The following POTEF variants were observed in gnomAD, a reference collection of about 807,000 sequenced individuals.
The protein encoded by POTEF is ANKRD26-like family C member 1B.
A neutral mutation model predicts 83.2 loss-of-function variants in POTEF; 20 were observed. The observed-to-expected ratio is 0.24, with a 90% CI of 0.17 to 0.35. The LOEUF is 0.35. Among genes scored for constraint, POTEF ranks in the 10% least tolerant of loss-of-function variants. The pLI is 1.00. For synonymous variants in POTEF, 196 were observed against 446.4 expected (o/e 0.44, Z 7.07); for missense variants, 550 against 1,203.2 (o/e 0.46, Z 8.03).
At chr2:130,095,005 T>C (rs1212703884) in intron 11 of POTEF, among the ~76,000 whole-genome samples, 9 of 151,844 alleles carry the variant, frequency 5.9e-5, no homozygotes, top group East Asian at 1.9e-4. Flanking sequence ...GCAAAACTGT[T>C]AGGAAAGAAC....
intron 15 of POTEF, among the ~76,000 whole-genome samples, chr2:130,080,367 T>G (rs3990656): frequency 1.4e-5 from 1 of 73,990 alleles, no homozygotes; most frequent in African/African-American, 7.2e-5. Context: ...AATATCACTA[T>G]TATTGTACAG....
intron 2 of POTEF, among the ~76,000 whole-genome samples, chr2:130,126,413 C>G (rs1420543052): frequency 2.7e-4 from 41 of 151,982 alleles, no homozygotes; most frequent in African/African-American, 9.7e-4. Context: ...CCCCGTGACT[C>G]CTGCATAGCT....
chr2:130,090,717 T>TTAA (rs201640891), intron 12 of POTEF, among the ~76,000 whole-genome samples: 2,157 of 144,344 alleles, frequency 0.015, 18 homozygotes, highest in African/African-American at 0.048. Flanking sequence ...GGAAAAAAAA[T>TTAA]TAAGCAAAAC....
chr2:130,120,021 G>A lies in POTEF; in HGVS notation c.495C>T (p.Asp165=), dbSNP rs1359710683. The change falls in exon 3 of 17, where the codon GAC becomes GAT. Residue 165 remains aspartate, a synonymous_variant. Coordinates refer to ENST00000409914, the MANE Select transcript of POTEF (RefSeq NM_001099771.2). ...KDLIVMLRDT[D]VNKQDKQKRT... is the part of the protein sequence containing the mutation. ...TCTTTTGCTTGTCCTGCTTGTTCAC[G>A]TCAGTGTCCCTGAGCATGACGATGA... is the stretch of plus-strand genomic sequence containing the variant. 1.8e-5 allele frequency: 22 copies of A among 1,247,564 alleles called. 1 individual carries two copies. The highest frequency in any genetic ancestry group is 1.2e-4 in the East Asian group (5 of 41,158). 77.3% of individuals were successfully genotyped at this position (1,247,564 alleles called of 1,614,324 possible).
At chr2:130,128,858 A>G (rs1366391804) in intron 1 of POTEF, among the ~76,000 whole-genome samples, 1 of 114,724 alleles carries the variant, frequency 8.7e-6, no homozygotes, top group East Asian at 3.0e-4. Flanking sequence ...GTTAGTGCAC[A>G]CAACCTGCCT....
intron 7 of POTEF, 139 bp downstream of exon 7, chr2:130,110,404 G>C: frequency 1.3e-6 from 2 of 1,577,274 alleles, no homozygotes; most frequent in South Asian, 1.2e-5. Context: ...TCTGGCTGAT[G>C]CAGGGGACTA....
At position 130,074,960 on chromosome 2, in the gene POTEF, C is replaced by T. The variant is rs776088012; in HGVS notation, c.2512G>A (p.Ala838Thr). ...NTPAMYVAIQAVLSLYTSGRT... is the reference protein window; with the variant it reads ...NTPAMYVAIQTVLSLYTSGRT... ...CCAGAGGTGTACAGGGACAGCACAG[C>T]CTGGATGGCCACGTACATGGCTGGG... is the stretch of plus-strand genomic sequence containing the variant. The change falls in exon 17 of 17, where the codon GCT becomes ACT. Residue 838 changes from alanine to threonine, a missense_variant. By Grantham distance (58) the Ala-to-Thr change is moderately conservative (BLOSUM62 0). Transcript: ENST00000409914. The T allele has an allele frequency of 1.9e-6, 3 of 1,611,728 alleles. No individual in the cohort carries two copies. In the Admixed American group the frequency reaches 5.0e-5, roughly 27 times the overall value.
Position 130,075,003 on chromosome 2 carries a change from C to G in POTEF, c.2469G>C (p.Met823Ile), listed in dbSNP as rs1479761743. Residue 823 changes from methionine (M) to isoleucine (I), a missense_variant, in exon 17 of 17, where the codon ATG (methionine) becomes ATC (isoleucine). By Grantham distance (10) the Met-to-Ile change is conservative (BLOSUM62 1). Coordinates refer to ENST00000409914, the MANE Select transcript of POTEF (RefSeq NM_001099771.2). ...KANREKMTQIMFETFNTPAMY... is the reference protein window; with the variant it reads ...KANREKMTQIIFETFNTPAMY... ...TGGCTGGGGTGTTGAAGGTCTCAAACATGATCTGGGTCATCTTCTCGCGGT... is the reference window on the plus strand; with the variant it reads ...TGGCTGGGGTGTTGAAGGTCTCAAAGATGATCTGGGTCATCTTCTCGCGGT... The G allele has an allele frequency of 1.2e-6, 2 of 1,613,398 alleles. No homozygotes were observed. Among genetic ancestry groups the G allele is most frequent in the Non-Finnish European group, 1.7e-6 (2 of 1,179,906 alleles).
rs759861573 is a variant in POTEF at position 130,115,196 on chromosome 2, T to C, written c.636+18A>G. Reference sequence around the variant, plus strand: ...AAATCAAACCCACCTCATGCTGATATAGTTGGCTACTGCATACCTTTATCA... The same window carrying C: ...AAATCAAACCCACCTCATGCTGATACAGTTGGCTACTGCATACCTTTATCA... On this transcript the variant is annotated intron_variant, in intron 4 of 16. Coordinates refer to ENST00000409914, the MANE Select transcript of POTEF (RefSeq NM_001099771.2). 12 of 1,612,410 alleles carry C rather than the reference T, an allele frequency of 7.4e-6. No individual in the cohort carries two copies. The East Asian group carries it at 1.3e-4, about 18-fold the overall frequency.
intron 3 of POTEF, among the ~76,000 whole-genome samples, chr2:130,117,444 A>G (rs1684871564): frequency 6.6e-6 from 1 of 151,952 alleles, no homozygotes; most frequent in Non-Finnish European, 1.5e-5. Flanking sequence ...CATTGCAGAA[A>G]TCACAGATAA....
At chr2:130,110,466 G>C (rs1455054159) in intron 7 of POTEF, 77 bp downstream of exon 7, 13 of 1,464,522 alleles carry the variant, frequency 8.9e-6, no homozygotes, top group Non-Finnish European at 1.2e-5. Context: ...CATCTCACCT[G>C]ATATGTGAGA....
At chr2:130,116,518 A>G (rs199788282) in intron 3 of POTEF, among the ~76,000 whole-genome samples, 91 of 145,324 alleles carry the variant, frequency 6.3e-4, no homozygotes, top group South Asian at 8.9e-4. Context: ...TTCACCCTGT[A>G]ATAGGCCCCA....
At chr2:130,121,946 T>C (rs1685011196) in intron 2 of POTEF, among the ~76,000 whole-genome samples, 1 of 150,152 alleles carries the variant, frequency 6.7e-6, no homozygotes, top group Admixed American at 6.7e-5. Flanking sequence ...TAGCAATCTT[T>C]CCCTATTTTC....
intron 3 of POTEF, among the ~76,000 whole-genome samples, chr2:130,115,680 C>G (rs370309751): frequency 4.1e-4 from 63 of 152,266 alleles, no homozygotes; most frequent in Non-Finnish European, 6.9e-4. Flanking sequence ...GGAAACCACT[C>G]TAATGCTTAA....
At chr2:130,105,572 T>C (rs1684503494) in intron 8 of POTEF, among the ~76,000 whole-genome samples, 1 of 151,528 alleles carries the variant, frequency 6.6e-6, no homozygotes, top group South Asian at 2.1e-4. Context: ...AGCTCAGTCA[T>C]GCCTGTTTGC....
intron 3 of POTEF, among the ~76,000 whole-genome samples, chr2:130,117,900 CA>C (rs1364192995): frequency 1.3e-5 from 2 of 151,660 alleles, no homozygotes; most frequent in Non-Finnish European, 2.9e-5. Flanking sequence ...TCTTCATCCT[CA>C]CAAACTTTGT....
chr2:130,107,378 T>C lies in POTEF; in HGVS notation c.1126+631A>G, dbSNP rs371316290. ...TTGGGACAAGCATATGTAACATGAC[T>C]TGTGCTTCAGTGTTCTTTTGTGATC... On this transcript the variant is annotated intron_variant, in intron 8 of 16. Coordinates refer to ENST00000409914, the MANE Select transcript of POTEF (RefSeq NM_001099771.2). Among the ~76,000 whole-genome samples, 5 of 151,144 alleles carry C rather than the reference T, an allele frequency of 3.3e-5. No individual in the cohort carries two copies. In the East Asian group the frequency reaches 5.8e-4, roughly 17 times the overall value.
chr2:130,097,343 A>AGG, intron 11 of POTEF, among the ~76,000 whole-genome samples: 1 of 55,886 alleles, frequency 1.8e-5, no homozygotes, highest in Non-Finnish European at 3.4e-5. Context: ...CATCATGCTT[A>AGG]GGAGTCATGA....
intron 5 of POTEF, among the ~76,000 whole-genome samples, chr2:130,113,512 ATTG>A (rs1426784800): frequency 7.2e-5 from 7 of 97,324 alleles, no homozygotes; most frequent in Admixed American, 1.3e-4. Context: ...TTTTGAGAAA[ATTG>A]TTGTTGTTGT....
Sources: allele counts gnomAD v4.1 joint callset (sites outside exome capture counted in the v4.1 genomes callset), GRCh38; gene constraint gnomAD v4.1.1; transcripts MANE v1.5; gene names NCBI Gene and HGNC (gene_info 2026-07-23, HGNC 2026-07-21).